The following MRPS6 variants were observed in gnomAD, a reference collection of about 807,000 sequenced individuals.
MRPS6 encodes the protein small ribosomal subunit protein bS6m.
MRPS6 carries 6 observed loss-of-function variants against 13.1 expected under a neutral mutation model. That is an observed-to-expected ratio of 0.46 (90% CI 0.25 to 0.91). The LOEUF is 0.91. Among genes scored for constraint, MRPS6 ranks in the 40% least tolerant of loss-of-function variants. The pLI, the probability that MRPS6 is intolerant of heterozygous loss-of-function variation, is 0.18. For synonymous variants in MRPS6, 61 were observed against 56.5 expected (o/e 1.08, Z -0.36); for missense variants, 164 against 155.6 (o/e 1.05, Z -0.29).
chr21:34,134,695 T>A (rs1395827972), intron 2 of MRPS6, among the ~76,000 whole-genome samples: 1 of 152,200 alleles, frequency 6.6e-6, no homozygotes, highest in African/African-American at 2.4e-5. Context: ...TCTTTTTTCT[T>A]TCACTGTCGA....
chr21:34,125,149 A>C (rs763147314), intron 1 of MRPS6, 192 bp from the exon 2 acceptor site: 57 of 848,698 alleles, frequency 6.7e-5, no homozygotes, highest in Non-Finnish European at 9.7e-5. Context: ...TCTGTGAGCT[A>C]TCTCATATCC....
chr21:34,104,124 T>A, intron 1 of MRPS6: 2 of 999,928 alleles, frequency 2.0e-6, no homozygotes, highest in Non-Finnish European at 2.4e-6. Flanking sequence ...AAGTTACCTT[T>A]ATTTTTTTCC....
chr21:34,095,458 T>C, intron 1 of MRPS6: 1 of 1,614,134 alleles, frequency 6.2e-7, no homozygotes. Context: ...TTCAATGCCT[T>C]ACTGCTTTTA....
At chr21:34,131,441 A>G (rs146343337) in intron 2 of MRPS6, among the ~76,000 whole-genome samples, 1 of 152,278 alleles carries the variant, frequency 6.6e-6, no homozygotes, top group Non-Finnish European at 1.5e-5. Flanking sequence ...TTTTCTGGTC[A>G]CCTTCCCTTG....
intron 1 of MRPS6, 56 bp from the exon 2 acceptor site, chr21:34,125,285 C>T (rs1980260174): frequency 6.3e-7 from 1 of 1,593,280 alleles, no homozygotes; most frequent in Non-Finnish European, 8.5e-7. Context: ...CATTCTAGCT[C>T]TTATATTAAT....
At chr21:34,125,629 T>C (rs1316574264) in intron 2 of MRPS6, 149 bp downstream of exon 2, 1 of 1,220,544 alleles carries the variant, frequency 8.2e-7, no homozygotes, top group Non-Finnish European at 1.1e-6. Flanking sequence ...CAGTCTTGTG[T>C]TGCAGATGGG....
intron 1 of MRPS6, chr21:34,100,531 C>G: frequency 1.0e-6 from 1 of 1,000,248 alleles, no homozygotes; most frequent in Non-Finnish European, 1.2e-6. Context: ...TTCCTTTTCA[C>G]TTGGCTCAAA....
At chr21:34,075,076 C>G (rs1467577828) in intron 1 of MRPS6, among the ~76,000 whole-genome samples, 1 of 152,174 alleles carries the variant, frequency 6.6e-6, no homozygotes, top group Non-Finnish European at 1.5e-5. Context: ...ATATGTAACT[C>G]CGAAAGGATA....
At chr21:34,084,320 A>AT (rs1335970022) in intron 1 of MRPS6, among the ~76,000 whole-genome samples, 1 of 152,232 alleles carries the variant, frequency 6.6e-6, no homozygotes, top group African/African-American at 2.4e-5. Flanking sequence ...ACATGGAAAG[A>AT]TGAGCAGAAG....
At chr21:34,138,885 T>C (rs1449561609) in intron 2 of MRPS6, among the ~76,000 whole-genome samples, 2 of 151,430 alleles carry the variant, frequency 1.3e-5, no homozygotes, top group Non-Finnish European at 1.5e-5. Context: ...GACACATGCA[T>C]ACATATGTTT....
intron 1 of MRPS6, chr21:34,102,703 A>G (rs752299246): frequency 5.6e-4 from 556 of 1,000,204 alleles, no homozygotes; most frequent in Non-Finnish European, 6.4e-4. Context: ...CTGAAGAGCG[A>G]GCAAATCAAG....
intron 1 of MRPS6, chr21:34,104,704 GGGGAAGAA>G: frequency 1.0e-6 from 1 of 1,000,300 alleles, no homozygotes; most frequent in Non-Finnish European, 1.2e-6. Flanking sequence ...GGGGGGATGA[GGGGAAGAA>G]GATTACCAGA....
At chr21:34,090,294 A>G (rs16991185) in intron 1 of MRPS6, among the ~76,000 whole-genome samples, 1,760 of 152,332 alleles carry the variant, frequency 0.012, 38 homozygotes, top group South Asian at 0.081. Flanking sequence ...GGACAGTCCT[A>G]TGTGAGTACA....
chr21:34,135,099 T>C (rs1980642566), intron 2 of MRPS6, among the ~76,000 whole-genome samples: 1 of 148,778 alleles, frequency 6.7e-6, no homozygotes, highest in African/African-American at 2.5e-5. Flanking sequence ...AGATCAATAG[T>C]GTGTATCAAT....
chr21:34,088,527 A>G (rs976909600), intron 1 of MRPS6, among the ~76,000 whole-genome samples: 3 of 152,248 alleles, frequency 2.0e-5, no homozygotes, highest in African/African-American at 7.2e-5. Context: ...GTTGTTACAT[A>G]TCCATCTTGT....
At chr21:34,140,944 A>G (rs1455811762) in intron 2 of MRPS6, among the ~76,000 whole-genome samples, 1 of 152,236 alleles carries the variant, frequency 6.6e-6, no homozygotes, top group African/African-American at 2.4e-5. Context: ...TTGAATAATT[A>G]TTCCACTAGG....
intron 1 of MRPS6, among the ~76,000 whole-genome samples, chr21:34,084,768 G>A (rs1989533505): frequency 6.6e-6 from 1 of 152,068 alleles, no homozygotes; most frequent in Non-Finnish European, 1.5e-5. Flanking sequence ...TTAATTTCCA[G>A]TCTGCTCACC....
intron 1 of MRPS6, chr21:34,123,157 C>G (rs1239257907): frequency 6.6e-6 from 1 of 152,052 alleles, no homozygotes; most frequent in Non-Finnish European, 1.5e-5. Context: ...ATGTTTTTTT[C>G]TAAGCCTTAA....
chr21:34,090,969 G>A (rs1978654586), intron 1 of MRPS6, among the ~76,000 whole-genome samples: 1 of 152,160 alleles, frequency 6.6e-6, no homozygotes, highest in African/African-American at 2.4e-5. Context: ...AAACAAGCTT[G>A]GGTATGCCCA....
Sources: gnomAD v4.1 joint callset for allele counts (sites outside exome capture counted in the v4.1 genomes callset) on GRCh38, gnomAD v4.1.1 for gene constraint, MANE v1.5 for transcripts, NCBI Gene and HGNC (gene_info 2026-07-23, HGNC 2026-07-21) for gene names.